Variants in DNM1 observed in about 807,000 individuals in gnomAD.
DNM1 encodes dynamin-1.
Under a neutral mutation model 104.6 loss-of-function variants are expected in DNM1, and 29 were observed. The observed-to-expected ratio is 0.28, with a 90% CI of 0.21 to 0.38. The LOEUF (loss-of-function observed/expected upper bound fraction) is 0.38, where lower values mean the gene tolerates loss of function less well. DNM1 is among the 10% of genes least tolerant of loss of function. The probability of loss-of-function intolerance (pLI) is 1.00; values close to 1 mark genes in which losing one functional copy is unlikely to be tolerated. For synonymous variants in DNM1, 445 were observed against 475.8 expected, an observed-to-expected ratio of 0.94 and a Z score of 0.84; for missense variants, 640 against 1,189.4, an observed-to-expected ratio of 0.54 and a Z score of 6.79.
In DNM1 at chr9:128,248,451, A is replaced by G; in HGVS notation, c.1906-132A>G. On this transcript the variant is annotated intron_variant, in intron 18 of 21. Coordinates refer to ENST00000372923, the MANE Select transcript of DNM1 (RefSeq NM_004408.4). This position sits in a 1 kb window ranked among gnomAD's most constrained non-coding sequence, Gnocchi z 5.6. ...GAGGCACAGGGATGCGGAGCCAGGT[A>G]TGTATTCAGGCCAGTCGCTTCTCTC... 1.0e-6 allele frequency: 1 copy of G among 975,076 alleles called. No individual in the cohort carries two copies. The highest frequency in any genetic ancestry group is 1.5e-6 in the Non-Finnish European group (1 of 669,206). The allele number at this position is 975,076 out of a possible 1,614,324, so 60.4% of individuals were successfully genotyped here. A position where few individuals can be genotyped will look rare whatever the true frequency, so the allele number is the denominator to read the frequency against.
At chr9:128,232,065 G>T (rs926364671) in intron 10 of DNM1, 1 of 456,316 alleles carries the variant, frequency 2.2e-6, no homozygotes, top group Non-Finnish European at 4.4e-6. Context: ...TCTCAAAGGG[G>T]TGGAGGCTGC....
intron 1 of DNM1, among the ~76,000 whole-genome samples, chr9:128,217,053 G>T (rs532756143): frequency 2.6e-5 from 4 of 152,306 alleles, no homozygotes; most frequent in South Asian, 2.1e-4. Flanking sequence ...ACAGAGAACC[G>T]GCACCCACAA....
intron 10 of DNM1, among the ~76,000 whole-genome samples, chr9:128,229,801 C>G (rs1227753387): frequency 6.6e-6 from 1 of 151,548 alleles, no homozygotes; most frequent in Non-Finnish European, 1.5e-5. Context: ...TAATCTCAGC[C>G]ACTCGGGAGG....
chr9:128,244,888 G>A (rs1836664450), intron 15 of DNM1: 1 of 458,438 alleles, frequency 2.2e-6, no homozygotes, highest in Non-Finnish European at 4.7e-6. Context: ...ATCCCCTGGA[G>A]ATCCGAGAAC....
chr9:128,251,358 A>T (rs1303549630), intron 21 of DNM1: 1 of 346,076 alleles, frequency 2.9e-6, no homozygotes, highest in African/African-American at 2.2e-5. Context: ...CTGAACCCCG[A>T]TCTGCTCTGA....
Position 128,254,842 on chromosome 9 carries a change from G to C in DNM1, c.*128G>C. On this transcript the variant is annotated 3_prime_UTR_variant, in exon 22 of 22. Transcript: ENST00000372923. The surrounding 1 kb of genome is among the most constrained non-coding windows in gnomAD (Gnocchi z 6.1). ...ATCTGTGACTTAATCTGTTGTAGTG[G>C]TGAGCTGATACATTCAGGTGTGACC... is the stretch of plus-strand genomic sequence containing the variant. 2.6e-6 allele frequency: 2 copies of C among 772,190 alleles called. No individual in the cohort carries two copies. The highest frequency in any genetic ancestry group is 3.0e-5 in the South Asian group (2 of 65,802). 47.8% of individuals were successfully genotyped at this position (772,190 alleles called of 1,614,324 possible).
chr9:128,239,287 C>T (rs1836209529), intron 11 of DNM1, among the ~76,000 whole-genome samples, 158 bp from the exon 12 acceptor site: 1 of 152,208 alleles, frequency 6.6e-6, no homozygotes, highest in African/African-American at 2.4e-5. Context: ...TGTGAGCCAC[C>T]ACGCTCAGCT....
At chr9:128,210,137 C>G (rs576815864) in intron 1 of DNM1, among the ~76,000 whole-genome samples, 1 of 152,092 alleles carries the variant, frequency 6.6e-6, no homozygotes, top group Admixed American at 6.6e-5. Flanking sequence ...CCTTGACCTC[C>G]CGGGCTCAAG....
At chr9:128,211,388 A>T (rs778352129) in intron 1 of DNM1, among the ~76,000 whole-genome samples, 2 of 150,932 alleles carry the variant, frequency 1.3e-5, no homozygotes, top group Non-Finnish European at 2.9e-5. Flanking sequence ...AATATATTAC[A>T]GTGCGTGGGA....
intron 1 of DNM1, among the ~76,000 whole-genome samples, chr9:128,206,268 G>A (rs1833966300): frequency 1.3e-5 from 2 of 152,330 alleles, no homozygotes; most frequent in Admixed American, 1.3e-4. Flanking sequence ...TGCTCAGGAG[G>A]ATCCTGCTGT....
In DNM1 at chr9:128,248,544, T is replaced by C. The variant is rs753191310; in HGVS notation, c.1906-39T>C. ...TGGGGATGCCTGGAGCCTGGCTGCA[T>C]GGCCTGGCCACCTGATGCCCTTGTG... On this transcript the variant is annotated intron_variant, in intron 18 of 21. Transcript: ENST00000372923. The surrounding 1 kb of genome is among the most constrained non-coding windows in gnomAD (Gnocchi z 5.6). 5.0e-6 allele frequency: 8 copies of C among 1,599,282 alleles called. No individual in the cohort carries two copies. The highest frequency in any genetic ancestry group is 6.0e-6 in the Non-Finnish European group (7 of 1,168,898).
At chr9:128,215,168 TCTCGGGTCCTGGCAC>T (rs1406999359) in intron 1 of DNM1, among the ~76,000 whole-genome samples, 1 of 152,208 alleles carries the variant, frequency 6.6e-6, no homozygotes, top group African/African-American at 2.4e-5. Context: ...GAAGCAGACC[TCTCGGGTCCTGGCAC>T]CAGGCACCAG....
At chr9:128,228,816 C>T (rs962905920) in intron 10 of DNM1, among the ~76,000 whole-genome samples, 2 of 151,976 alleles carry the variant, frequency 1.3e-5, no homozygotes, top group African/African-American at 4.8e-5. Context: ...AACCCTGTCT[C>T]TACTAAAAAT....
intron 14 of DNM1, chr9:128,241,048 G>A (rs1836333819): frequency 6.6e-6 from 1 of 152,540 alleles, no homozygotes. Flanking sequence ...TCAGGAAGGG[G>A]TGAGAGAGGC....
In DNM1 at chr9:128,253,276, C is replaced by T. The variant is rs1564357404; in HGVS notation, c.2535-1378C>T. 2.6e-6 allele frequency: 2 copies of T among 776,836 alleles called. No individual in the cohort carries two copies. The highest frequency in any genetic ancestry group is 2.1e-6 in the Non-Finnish European group (1 of 475,128). 48.1% of individuals were successfully genotyped at this position (776,836 alleles called of 1,614,324 possible). On this transcript the variant is annotated intron_variant, in intron 21 of 21. Coordinates refer to ENST00000372923, the MANE Select transcript of DNM1 (RefSeq NM_004408.4). This position sits in a 1 kb window ranked among gnomAD's most constrained non-coding sequence, Gnocchi z 5.9. The stretch of plus-strand genomic sequence containing the variant: ...TGCAGCTGCAGACTTGCTCTTTCCT[C>T]TTTCTGTCCTTGTGCCGCTGGCTCT...
chr9:128,221,023 C>G (rs1302654565), intron 6 of DNM1: 1 of 131,928 alleles, frequency 7.6e-6, no homozygotes, highest in Admixed American at 7.9e-5. Flanking sequence ...TCCTTTCTTT[C>G]TCTTTCTTTC....
At chr9:128,238,254 C>T (rs1192750013) in intron 11 of DNM1, among the ~76,000 whole-genome samples, 1 of 151,836 alleles carries the variant, frequency 6.6e-6, no homozygotes, top group Non-Finnish European at 1.5e-5. Flanking sequence ...GACAGAGTTT[C>T]GCTCTTGTTG....
chr9:128,248,261 T>C lies in DNM1; in HGVS notation c.1906-322T>C. On this transcript the variant is annotated intron_variant, in intron 18 of 21. Coordinates refer to ENST00000372923, the MANE Select transcript of DNM1 (RefSeq NM_004408.4). The surrounding 1 kb of genome is among the most constrained non-coding windows in gnomAD (Gnocchi z 5.6). ...AGAATCGCTTGAACCCAGGAGGAGG[T>C]TGCAATGAGCCAATACAGCACCACT... is the stretch of plus-strand genomic sequence containing the variant. 2.0e-6 allele frequency: 1 copy of C among 501,686 alleles called. No individual in the cohort carries two copies. The highest frequency in any genetic ancestry group is 3.7e-5 in the East Asian group (1 of 26,908). The allele number at this position is 501,686 out of a possible 1,614,324, so 31.1% of individuals were successfully genotyped here.
intron 1 of DNM1, among the ~76,000 whole-genome samples, chr9:128,217,709 G>A (rs529858812): frequency 6.6e-6 from 1 of 152,280 alleles, no homozygotes; most frequent in African/African-American, 2.4e-5. Context: ...GAGCCACCGC[G>A]CCCGGCCCAT....
Sources: allele counts gnomAD v4.1 joint callset (sites outside exome capture counted in the v4.1 genomes callset), GRCh38; gene constraint gnomAD v4.1.1; non-coding constraint Gnocchi (gnomAD v3.1); transcripts MANE v1.5; gene names NCBI Gene and HGNC (gene_info 2026-07-23, HGNC 2026-07-21).